Variants in TMEM132D observed in about 807,000 individuals in gnomAD.
TMEM132D encodes mature OL transmembrane protein.
In TMEM132D, 21 loss-of-function variants were observed where a neutral mutation model predicts 62.3. The observed-to-expected ratio is 0.34, with a 90% CI of 0.24 to 0.49. The LOEUF is 0.49. Ranked by LOEUF, TMEM132D falls within the 20% of genes least tolerant of loss-of-function variation. TMEM132D has a pLI of 0.99. For missense variants in TMEM132D, 1,346 were observed against 1,402.8 expected, an observed-to-expected ratio of 0.96 and a Z score of 0.65; for synonymous variants, 621 against 575.6, an observed-to-expected ratio of 1.08 and a Z score of -1.13.
chr12:129,357,378 G>T (rs1388230631), intron 3 of TMEM132D, among the ~76,000 whole-genome samples: 8 of 147,160 alleles, frequency 5.4e-5, no homozygotes, highest in Non-Finnish European at 1.1e-4. Flanking sequence ...AAGGAAGGAG[G>T]GAGGGAGGGA....
intron 2 of TMEM132D, among the ~76,000 whole-genome samples, chr12:129,554,807 C>G (rs1283547241): frequency 6.6e-6 from 1 of 152,162 alleles, no homozygotes; most frequent in Non-Finnish European, 1.5e-5. Context: ...GACTTGAGTC[C>G]AGCTTCCTAC....
chr12:129,578,424 G>A (rs1361592364), intron 2 of TMEM132D, among the ~76,000 whole-genome samples: 4 of 150,590 alleles, frequency 2.7e-5, no homozygotes, highest in Non-Finnish European at 4.4e-5. Context: ...GTGTGTGTGT[G>A]TATATATATA....
chr12:129,409,092 C>T (rs900940586), intron 3 of TMEM132D, among the ~76,000 whole-genome samples: 2 of 152,224 alleles, frequency 1.3e-5, no homozygotes, highest in African/African-American at 4.8e-5. Context: ...ACCACCATGC[C>T]TGGCTAATTT....
At chr12:129,824,209 T>G (rs1872602777) in intron 1 of TMEM132D, among the ~76,000 whole-genome samples, 1 of 152,170 alleles carries the variant, frequency 6.6e-6, no homozygotes, top group Non-Finnish European at 1.5e-5. Flanking sequence ...TTTGAAGCAG[T>G]TTTAATCTTC....
chr12:129,853,272 TGAG>T (rs1278198254), intron 1 of TMEM132D: 7 of 152,234 alleles, frequency 4.6e-5, no homozygotes, highest in African/African-American at 1.2e-4. Flanking sequence ...TGTTTCTAGA[TGAG>T]GAGAATGGTT....
chr12:129,115,962 T>C (rs182061610), intron 5 of TMEM132D, among the ~76,000 whole-genome samples: 1 of 152,276 alleles, frequency 6.6e-6, no homozygotes, highest in Non-Finnish European at 1.5e-5. Context: ...ACAGGCATTA[T>C]TCAGAAACCA....
chr12:129,232,973 T>C (rs775369548), intron 4 of TMEM132D, among the ~76,000 whole-genome samples: 2 of 152,148 alleles, frequency 1.3e-5, no homozygotes, highest in African/African-American at 2.4e-5. Flanking sequence ...GTCCCTCCTC[T>C]GACATGCAGG....
intron 1 of TMEM132D, among the ~76,000 whole-genome samples, chr12:129,805,687 C>T (rs1871955988): frequency 6.6e-6 from 1 of 151,732 alleles, no homozygotes; most frequent in South Asian, 2.1e-4. Context: ...ACAGAATTGA[C>T]AAATGGGATC....
chr12:129,167,032 T>C (rs11060174), intron 5 of TMEM132D, among the ~76,000 whole-genome samples: 62,942 of 151,372 alleles, frequency 0.42, 14,145 homozygotes, highest in East Asian at 0.58. Context: ...TGTTGGTGCA[T>C]GCCTGTGGGC....
intron 1 of TMEM132D, among the ~76,000 whole-genome samples, chr12:129,761,223 G>T (rs555094585): frequency 2.0e-5 from 3 of 152,072 alleles, no homozygotes; most frequent in African/African-American, 7.2e-5. Context: ...TCAATGTCTC[G>T]GTCACCATCA....
chr12:129,113,986 C>T (rs949866943), intron 5 of TMEM132D, among the ~76,000 whole-genome samples: 1 of 152,100 alleles, frequency 6.6e-6, no homozygotes, highest in Non-Finnish European at 1.5e-5. Context: ...ACCACCCAAG[C>T]AAGCTCTGGG....
intron 5 of TMEM132D, among the ~76,000 whole-genome samples, chr12:129,200,613 A>G (rs1878676901): frequency 6.6e-6 from 1 of 152,178 alleles, no homozygotes; most frequent in African/African-American, 2.4e-5. Context: ...GTGGAGAAAA[A>G]AAGAAGGGAC....
In TMEM132D at chr12:129,826,739, A is replaced by G. The variant is rs867354817; in HGVS notation, c.79+76522T>C. Among the ~76,000 whole-genome samples the G allele has an allele frequency of 2.6e-5, 4 of 152,330 alleles. No homozygotes were observed. In the Middle Eastern group the frequency reaches 0.01, roughly 389 times the overall value. On this transcript the variant is annotated intron_variant, in intron 1 of 8. Transcript: ENST00000422113. ...ATGGACACATTCCAGCCTGGTAACC[A>G]GGTACGAATGGACTAGCAGGGTCAG...
intron 3 of TMEM132D, among the ~76,000 whole-genome samples, chr12:129,463,743 C>T (rs1224013741): frequency 1.3e-5 from 2 of 151,958 alleles, no homozygotes; most frequent in East Asian, 3.9e-4. Context: ...TTTGTCCTTG[C>T]AATAGTTTGC....
In TMEM132D at chr12:129,078,710, A is replaced by T. The variant is rs1874357255; in HGVS notation, c.1939T>A (p.Ser647Thr). The change falls in exon 8 of 9, where the codon TCA becomes ACA. Residue 647 changes from serine to threonine, a missense_variant. Coordinates refer to ENST00000422113, the MANE Select transcript of TMEM132D (RefSeq NM_133448.3). Reference sequence around the variant, plus strand: ...GTCTTTTCAGCGAGGATGGTGTCTGACAGAGGAGACAGGATCTGGAGGGCA... The same window carrying T: ...GTCTTTTCAGCGAGGATGGTGTCTGTCAGAGGAGACAGGATCTGGAGGGCA... Reference protein sequence around the residue: ...MTTIQILSPLSDTILAEKTIT... With the variant: ...MTTIQILSPLTDTILAEKTIT... The T allele has an allele frequency of 6.2e-7, 1 of 1,613,986 alleles. No individual in the cohort carries two copies.
intron 3 of TMEM132D, among the ~76,000 whole-genome samples, chr12:129,459,791 A>G (rs1460149881): frequency 6.6e-6 from 1 of 152,188 alleles, no homozygotes; most frequent in Non-Finnish European, 1.5e-5. Flanking sequence ...TGCATTTACA[A>G]ATATCTGTAG....
chr12:129,536,322 C>T (rs1876387913), intron 2 of TMEM132D, among the ~76,000 whole-genome samples: 1 of 152,174 alleles, frequency 6.6e-6, no homozygotes, highest in Non-Finnish European at 1.5e-5. Context: ...GAAACATGCC[C>T]TTTGGGGTCA....
At chr12:129,830,855 T>C (rs768636334) in intron 1 of TMEM132D, among the ~76,000 whole-genome samples, 17 of 152,188 alleles carry the variant, frequency 1.1e-4, no homozygotes, top group Non-Finnish European at 1.8e-4. Flanking sequence ...TAATTGGTGA[T>C]GGAAAAGTCA....
chr12:129,372,822 A>T (rs1870655980), intron 3 of TMEM132D, among the ~76,000 whole-genome samples: 1 of 152,000 alleles, frequency 6.6e-6, no homozygotes, highest in East Asian at 1.9e-4. Context: ...TTATTTCGTT[A>T]TATGTTACAA....
Sources: allele counts gnomAD v4.1 joint callset (sites outside exome capture counted in the v4.1 genomes callset), GRCh38; gene constraint gnomAD v4.1.1; transcripts MANE v1.5; gene names NCBI Gene and HGNC (gene_info 2026-07-23, HGNC 2026-07-21).